The following ITGB3BP variants were observed in gnomAD, a reference collection of about 807,000 sequenced individuals.
The protein encoded by ITGB3BP is integrin subunit beta 3 binding protein.
In ITGB3BP, 27 loss-of-function variants were observed where a neutral mutation model predicts 29.1. The observed-to-expected ratio is 0.93, with a 90% CI of 0.68 to 1.28. The LOEUF (loss-of-function observed/expected upper bound fraction) is 1.28, where lower values mean the gene tolerates loss of function less well. Ranked by LOEUF, ITGB3BP falls within the 50% of genes most tolerant of loss-of-function variation. The pLI, the probability that ITGB3BP is intolerant of heterozygous loss-of-function variation, is 0.00. For missense variants in ITGB3BP, 192 were observed against 200.2 expected (o/e 0.96, Z 0.25); for synonymous variants, 61 against 61.4 (o/e 0.99, Z 0.03).
intron 1 of ITGB3BP, among the ~76,000 whole-genome samples, chr1:63,509,304 A>G (rs1198120686): frequency 6.6e-6 from 1 of 152,242 alleles, no homozygotes; most frequent in East Asian, 1.9e-4. Flanking sequence ...AGCAGTCATC[A>G]ACATTTTATT....
rs969845133 is a variant in ITGB3BP, at chr1:63,454,649, A to C, written c.334-176T>G. On this transcript the variant is annotated intron_variant, in intron 5 of 8. Coordinates refer to ENST00000271002, the MANE Select transcript of ITGB3BP (RefSeq NM_014288.5). The surrounding 1 kb of genome is among the most constrained non-coding windows in gnomAD (Gnocchi z 4.1). ...CAAGCCCAAAAATGCCTGAAAAAAA[A>C]CAATTTATAATTAACTAAAAAGACT... 2.0e-5 allele frequency among the ~76,000 whole-genome samples: 3 copies of C among 152,200 alleles called. No individual in the cohort carries two copies. Among genetic ancestry groups the C allele is most frequent in the Non-Finnish European group, 2.9e-5 (2 of 68,010 alleles).
At chr1:63,464,684 G>C (rs1645071084) in intron 4 of ITGB3BP, among the ~76,000 whole-genome samples, 1 of 152,080 alleles carries the variant, frequency 6.6e-6, no homozygotes, top group African/African-American at 2.4e-5. Context: ...TAATTACAAA[G>C]GGAAAATGAT....
intron 2 of ITGB3BP, among the ~76,000 whole-genome samples, chr1:63,505,678 G>A (rs1425124857): frequency 6.6e-6 from 1 of 151,942 alleles, no homozygotes; most frequent in Non-Finnish European, 1.5e-5. Flanking sequence ...TCTACACACT[G>A]CTTTGAATGT....
chr1:63,458,123 A>G (rs1644962257), intron 4 of ITGB3BP: 1 of 152,184 alleles, frequency 6.6e-6, no homozygotes, highest in South Asian at 2.1e-4. Flanking sequence ...TAGGTGCATC[A>G]GCCAAATAAA....
chr1:63,526,104 A>G (rs1164856976), upstream of ITGB3BP, among the ~76,000 whole-genome samples: 1 of 152,220 alleles, frequency 6.6e-6, no homozygotes, highest in Non-Finnish European at 1.5e-5. Context: ...TTTGACCCAT[A>G]CTGAGGAAAG....
At chr1:63,509,101 C>A (rs1408367334) in intron 1 of ITGB3BP, among the ~76,000 whole-genome samples, 1 of 152,142 alleles carries the variant, frequency 6.6e-6, no homozygotes, top group Non-Finnish European at 1.5e-5. Context: ...AACAGATGCT[C>A]TATGTCTTTA....
At position 63,445,631 on chromosome 1, in the gene ITGB3BP, C is replaced by T. The variant is rs140370605; in HGVS notation, c.*1+1175G>A. ...TTTTTTTTTTTTGGAGACAGGGTCT[C>T]GCTCTGTCACCCAGGCTGAGTGCAG... On this transcript the variant is annotated intron_variant, in intron 8 of 8. Coordinates refer to ENST00000271002, the MANE Select transcript of ITGB3BP (RefSeq NM_014288.5). Among the ~76,000 whole-genome samples the T allele has an allele frequency of 6.8e-4, 92 of 136,084 alleles. 2 individuals are homozygous for T. In the East Asian group the frequency reaches 0.016, roughly 23 times the overall value. 89.3% of individuals were successfully genotyped at this position (136,084 alleles called of 152,430 possible).
intron 2 of ITGB3BP, among the ~76,000 whole-genome samples, chr1:63,498,149 C>A (rs1645836672): frequency 6.6e-6 from 1 of 151,884 alleles, no homozygotes. Flanking sequence ...GAATAGAAAA[C>A]CTAGATAGAA....
intron 1 of ITGB3BP, among the ~76,000 whole-genome samples, chr1:63,509,616 A>G (rs1273095822): frequency 6.6e-6 from 1 of 152,210 alleles, no homozygotes; most frequent in Non-Finnish European, 1.5e-5. Context: ...AACAGTAAAT[A>G]TACAGTACAG....
intron 8 of ITGB3BP, among the ~76,000 whole-genome samples, chr1:63,443,673 A>T (rs1236098230): frequency 6.6e-6 from 1 of 152,162 alleles, no homozygotes; most frequent in Non-Finnish European, 1.5e-5. Flanking sequence ...TACAATAGGG[A>T]CAATGATAAT....
At chr1:63,515,694 T>C (rs1294015671) in intron 1 of ITGB3BP, among the ~76,000 whole-genome samples, 3 of 150,798 alleles carry the variant, frequency 2.0e-5, no homozygotes, top group Non-Finnish European at 4.4e-5. Context: ...GGCATGGTGG[T>C]GCATGCTTGT....
chr1:63,449,438 A>AAAG (rs1470238667), intron 7 of ITGB3BP: 1 of 152,184 alleles, frequency 6.6e-6, no homozygotes, highest in South Asian at 2.1e-4. Flanking sequence ...TTAAATCATG[A>AAAG]AAGAAATTAT....
chr1:63,522,943 C>T, intron 1 of ITGB3BP, 186 bp downstream of exon 1: 2 of 785,004 alleles, frequency 2.5e-6, no homozygotes, highest in Non-Finnish European at 4.7e-6. Flanking sequence ...GGAGGACTAT[C>T]GTATGAGTAC....
chr1:63,451,339 T>C (rs1461998680), intron 7 of ITGB3BP, among the ~76,000 whole-genome samples: 1 of 151,972 alleles, frequency 6.6e-6, no homozygotes, highest in African/African-American at 2.4e-5. Context: ...GGATGATTTT[T>C]ATTTTACTTA....
intron 2 of ITGB3BP, among the ~76,000 whole-genome samples, chr1:63,491,783 AAT>A (rs1244069211): frequency 2.0e-5 from 3 of 152,198 alleles, no homozygotes; most frequent in South Asian, 4.1e-4. Context: ...AAATGCGATG[AAT>A]ATCTTTTAAA....
chr1:63,471,098 A>G (rs1301219841), intron 4 of ITGB3BP, among the ~76,000 whole-genome samples: 2 of 152,010 alleles, frequency 1.3e-5, no homozygotes, highest in Non-Finnish European at 1.5e-5. Flanking sequence ...TCTTTTGCCC[A>G]TTTTTCTATT....
chr1:63,475,842 A>G (rs1645329054), intron 4 of ITGB3BP, among the ~76,000 whole-genome samples: 1 of 151,886 alleles, frequency 6.6e-6, no homozygotes, highest in Admixed American at 6.6e-5. Flanking sequence ...TACTAAAAAT[A>G]CAAAAATTAG....
intron 4 of ITGB3BP, among the ~76,000 whole-genome samples, chr1:63,456,363 C>T (rs925804982): frequency 2.0e-5 from 3 of 151,858 alleles, no homozygotes; most frequent in East Asian, 1.9e-4. Flanking sequence ...TCCTTTATTA[C>T]GTATTTTCAA....
rs554107449 is a variant in ITGB3BP, at chr1:63,500,558, G to A, written c.48+7970C>T. Among the ~76,000 whole-genome samples the A allele has an allele frequency of 5.9e-4, 89 of 152,064 alleles. 1 individual carries two copies. The highest frequency in any genetic ancestry group is 2.0e-3 in the African/African-American group (82 of 41,482). The stretch of plus-strand genomic sequence containing the variant: ...AGCATAAAAAGAATAAAATACTTAG[G>A]AATAAATTTAATCAGAAAACTATAA... On this transcript the variant is annotated intron_variant, in intron 2 of 8. Transcript: ENST00000271002.
Sources: allele counts gnomAD v4.1 joint callset (sites outside exome capture counted in the v4.1 genomes callset), GRCh38; gene constraint gnomAD v4.1.1; non-coding constraint Gnocchi (gnomAD v3.1); transcripts MANE v1.5; gene names NCBI Gene and HGNC (gene_info 2026-07-23, HGNC 2026-07-21).